POLA1: variants seen among roughly 807,000 people sequenced by gnomAD.
The protein encoded by POLA1 is DNA polymerase alpha catalytic subunit.
POLA1 carries 15 observed loss-of-function variants against 124.0 expected under a neutral mutation model. The ratio of observed to expected loss-of-function variants is 0.12; its 90% confidence interval spans 0.08 to 0.19. The LOEUF (loss-of-function observed/expected upper bound fraction) is 0.19, where lower values mean the gene tolerates loss of function less well. Among genes scored for constraint, POLA1 ranks in the 10% least tolerant of loss-of-function variants. The pLI is 1.00. For missense variants in POLA1, 886 were observed against 1,103.4 expected (o/e 0.80, Z 2.79); for synonymous variants, 408 against 389.4 (o/e 1.05, Z -0.56).
intron 34 of POLA1, among the ~76,000 whole-genome samples, chrX:24,876,354 C>T (rs953343139): frequency 9.8e-5 from 11 of 111,960 alleles, no homozygotes; most frequent in Non-Finnish European, 1.9e-4. Flanking sequence ...GAAACTTCAT[C>T]TCGGCATGTA....
chrX:24,720,026 C>T (rs1930107094), intron 10 of POLA1, among the ~76,000 whole-genome samples: 1 of 110,914 alleles, frequency 9.0e-6, no homozygotes, highest in Admixed American at 9.6e-5. Flanking sequence ...TGGCTACTGC[C>T]TACAACATAA....
intron 36 of POLA1, among the ~76,000 whole-genome samples, chrX:24,983,479 G>A (rs965261004): frequency 1.2e-4 from 13 of 111,715 alleles, no homozygotes; most frequent in African/African-American, 3.3e-4. Context: ...AAGCCCAAAC[G>A]CAATTTATTT....
chrX:24,735,361 A>G (rs773486247), intron 17 of POLA1, 38 bp from the exon 18 acceptor site: 3 of 861,249 alleles, frequency 3.5e-6, no homozygotes, highest in Admixed American at 2.2e-5. Flanking sequence ...TGCGGACAGT[A>G]AAGAGTCGTC....
chrX:24,904,523 C>T (rs1371120939), intron 35 of POLA1, among the ~76,000 whole-genome samples: 1 of 110,192 alleles, frequency 9.1e-6, no homozygotes, highest in Non-Finnish European at 1.9e-5. Context: ...GCCAGAACTC[C>T]AAGGAAGGGA....
intron 35 of POLA1, among the ~76,000 whole-genome samples, chrX:24,929,693 A>G (rs1433317969): frequency 8.9e-6 from 1 of 112,405 alleles, no homozygotes; most frequent in African/African-American, 3.2e-5. Flanking sequence ...AATTGACTGC[A>G]TGTATTTTTT....
At chrX:24,967,551 C>T (rs1021291983) in intron 36 of POLA1, among the ~76,000 whole-genome samples, 5 of 110,327 alleles carry the variant, frequency 4.5e-5, no homozygotes, top group Non-Finnish European at 9.5e-5. Context: ...GTCCCAGCTA[C>T]TTGTGGGACT....
chrX:24,763,552 A>G (rs185183936), intron 26 of POLA1, among the ~76,000 whole-genome samples: 2 of 111,329 alleles, frequency 1.8e-5, no homozygotes, highest in African/African-American at 6.5e-5. Context: ...GAGAGAGTGG[A>G]AAGAGAAGTG....
At chrX:24,874,696 G>A (rs1340346999) in intron 34 of POLA1, among the ~76,000 whole-genome samples, 1 of 111,384 alleles carries the variant, frequency 9.0e-6, no homozygotes, top group Non-Finnish European at 1.9e-5. Context: ...CGTATCCCAG[G>A]CTGATGTTCT....
intron 36 of POLA1, among the ~76,000 whole-genome samples, chrX:24,947,710 C>T (rs756231946): frequency 6.2e-5 from 7 of 112,118 alleles, no homozygotes; most frequent in Admixed American, 9.4e-5. Context: ...GGTGAAGAAC[C>T]GCTAAGAGAC....
intron 35 of POLA1, among the ~76,000 whole-genome samples, chrX:24,890,461 A>G (rs1336847807): frequency 1.8e-5 from 2 of 111,908 alleles, no homozygotes; most frequent in South Asian, 3.8e-4. Context: ...CAATATCTCT[A>G]CTTGAAATTT....
At chrX:24,746,903 A>G (rs1341383243) in intron 24 of POLA1, among the ~76,000 whole-genome samples, 1 of 111,869 alleles carries the variant, frequency 8.9e-6, no homozygotes, top group Admixed American at 9.4e-5. Context: ...TGAAAGGGCA[A>G]ATGTGCCTGG....
chrX:24,906,563 T>C (rs902065334), intron 35 of POLA1, among the ~76,000 whole-genome samples: 14 of 110,591 alleles, frequency 1.3e-4, no homozygotes, highest in African/African-American at 4.6e-4. Context: ...AGACTATACA[T>C]TGGGTACAGT....
At position 24,958,942 on chromosome X, in the gene POLA1, G is replaced by T. The variant is rs1352771175; in HGVS notation, c.4261+28393G>T. Among the ~76,000 whole-genome samples, 15 of 111,449 alleles carry T rather than the reference G, an allele frequency of 1.3e-4. No individual in the cohort carries two copies. The Admixed American group carries it at 1.4e-3, about 11-fold the overall frequency. ...GAGTCCTCTTTCAGACTGACTTTTG[G>T]ACTCGCATACCTATTGATCTCCTAG... On this transcript the variant is annotated intron_variant, in intron 36 of 36. Coordinates refer to ENST00000379068, the MANE Select transcript of POLA1 (RefSeq NM_001330360.2).
intron 32 of POLA1, among the ~76,000 whole-genome samples, chrX:24,839,220 T>A (rs2046379556): frequency 9.0e-6 from 1 of 111,362 alleles, no homozygotes; most frequent in African/African-American, 3.3e-5. Flanking sequence ...CAGTCTCTTC[T>A]CCCTTTATAT....
At chrX:24,754,381 C>G (rs1425998629) in intron 26 of POLA1, among the ~76,000 whole-genome samples, 3 of 109,344 alleles carry the variant, frequency 2.7e-5, no homozygotes, top group African/African-American at 1.0e-4. Flanking sequence ...CCTCAGCCTC[C>G]CAAGTAGCTG....
In POLA1 at chrX:24,717,690, G is replaced by A; in HGVS notation, c.1019G>A (p.Gly340Glu). 4 of 1,207,312 alleles carry A rather than the reference G, an allele frequency of 3.3e-6. No individual in the cohort carries two copies. Among genetic ancestry groups the A allele is most frequent in the Non-Finnish European group, 4.5e-6 (4 of 892,021 alleles). ...TCCAGTCACCTCCCATTGGTAAAAG[G>A]GGCAGATGAGGAACAAGTATTCCAC... is the stretch of plus-strand genomic sequence containing the variant. The part of the protein sequence containing the change: ...VDSSHLPLVK[G>E]ADEEQVFHFY... Residue 340 changes from glycine to glutamate, a missense_variant, in exon 10 of 37, where the codon GGG becomes GAG. Gly to Glu is a moderately conservative substitution (Grantham distance 98). This residue lies in a region of POLA1 where 337 missense variants were observed against 402.8 expected (regional missense o/e 0.84). Coordinates refer to ENST00000379068, the MANE Select transcript of POLA1 (RefSeq NM_001330360.2).
chrX:24,933,087 A>G (rs909889815), intron 36 of POLA1, among the ~76,000 whole-genome samples: 6 of 111,800 alleles, frequency 5.4e-5, no homozygotes, highest in Non-Finnish European at 9.4e-5. Context: ...TTAGGAAGCT[A>G]TAATTTTTTG....
At chrX:24,794,534 T>C (rs753483946) in intron 26 of POLA1, among the ~76,000 whole-genome samples, 5 of 112,359 alleles carry the variant, frequency 4.5e-5, no homozygotes, top group Non-Finnish European at 7.5e-5. Flanking sequence ...TAAAAGCAAG[T>C]ATGTAATGCT....
rs186724699 is a variant in POLA1, at chrX:24,959,650, G to C, written c.4261+29101G>C. Among the ~76,000 whole-genome samples, 26 of 111,282 alleles carry C rather than the reference G, an allele frequency of 2.3e-4. 1 individual carries two copies. Among genetic ancestry groups the C allele is most frequent in the African/African-American group, 8.5e-4 (26 of 30,631 alleles). ...GTCTGTTGCAGTAGCCACTAGCCAC[G>C]TGTGCCTATTGAACACTTGAAACGT... On this transcript the variant is annotated intron_variant, in intron 36 of 36. Coordinates refer to ENST00000379068, the MANE Select transcript of POLA1 (RefSeq NM_001330360.2).
Sources: allele counts gnomAD v4.1 joint callset (sites outside exome capture counted in the v4.1 genomes callset), GRCh38; gene constraint gnomAD v4.1.1; regional missense constraint gnomAD v4.1.1; transcripts MANE v1.5; gene names NCBI Gene and HGNC (gene_info 2026-07-23, HGNC 2026-07-21).